Variants in RASAL2 observed in about 807,000 individuals in gnomAD.
The protein encoded by RASAL2 is ras GTPase-activating protein nGAP.
A neutral mutation model predicts 128.9 loss-of-function variants in RASAL2; 58 were observed. That is an observed-to-expected ratio of 0.45 (90% CI 0.36 to 0.56). RASAL2 has a LOEUF of 0.56. Among genes scored for constraint, RASAL2 ranks in the 20% least tolerant of loss-of-function variants. The pLI is 0.00. For missense variants in RASAL2, 1,360 were observed against 1,601.6 expected (o/e 0.85, Z 2.57); for synonymous variants, 561 against 580.8 (o/e 0.97, Z 0.49).
At chr1:178,112,278 A>G (rs1659350560) in intron 1 of RASAL2, among the ~76,000 whole-genome samples, 1 of 152,070 alleles carries the variant, frequency 6.6e-6, no homozygotes, top group African/African-American at 2.4e-5. Flanking sequence ...TCAGCTGGGC[A>G]CGGTGGCTCA....
intron 1 of RASAL2, among the ~76,000 whole-genome samples, chr1:178,209,655 A>G (rs1663184318): frequency 6.6e-6 from 1 of 151,722 alleles, no homozygotes; most frequent in Non-Finnish European, 1.5e-5. Context: ...TTTCTGGATA[A>G]TTCATCTGTT....
chr1:178,196,472 A>G (rs1285008119), intron 1 of RASAL2, among the ~76,000 whole-genome samples: 1 of 152,220 alleles, frequency 6.6e-6, no homozygotes, highest in Non-Finnish European at 1.5e-5. Context: ...TCAACCAACC[A>G]TGGATTGAAA....
chr1:178,169,579 C>T (rs949683446), intron 1 of RASAL2, among the ~76,000 whole-genome samples: 3 of 151,336 alleles, frequency 2.0e-5, no homozygotes, highest in South Asian at 2.1e-4. Flanking sequence ...AAGAGATATG[C>T]GGAAGTCTTA....
At chr1:178,119,738 T>G (rs1439584793) in intron 1 of RASAL2, among the ~76,000 whole-genome samples, 2 of 152,214 alleles carry the variant, frequency 1.3e-5, no homozygotes, top group African/African-American at 4.8e-5. Flanking sequence ...CAAGCACTGT[T>G]GCCTTGTTGT....
In RASAL2 at chr1:178,454,398, A is replaced by G. The variant is rs1462055057; in HGVS notation, c.2010-49A>G. Reference sequence around the variant, plus strand: ...TGTGTAATGTCAAATCAAAATGATCATATCTCTCTTGAATATGTTCTTTCT... The same window carrying G: ...TGTGTAATGTCAAATCAAAATGATCGTATCTCTCTTGAATATGTTCTTTCT... On this transcript the variant is annotated intron_variant, in intron 11 of 17. Transcript: ENST00000367649. 10 of 1,446,538 alleles carry G rather than the reference A, an allele frequency of 6.9e-6. No individual in the cohort carries two copies. In the South Asian group the frequency reaches 1.0e-4, roughly 15 times the overall value. The allele number at this position is 1,446,538 out of a possible 1,614,324, so 89.6% of individuals were successfully genotyped here. A position where few individuals can be genotyped will look rare whatever the true frequency, so the allele number is the denominator to read the frequency against.
At chr1:178,123,510 C>G (rs1183592078) in intron 1 of RASAL2, among the ~76,000 whole-genome samples, 1 of 152,092 alleles carries the variant, frequency 6.6e-6, no homozygotes, top group African/African-American at 2.4e-5. Context: ...TTTACAGTTC[C>G]TGTTGCGCTA....
At chr1:178,158,222 C>T (rs924140876) in intron 1 of RASAL2, among the ~76,000 whole-genome samples, 5 of 152,144 alleles carry the variant, frequency 3.3e-5, no homozygotes, top group African/African-American at 9.7e-5. Flanking sequence ...TTTAAAAGAA[C>T]GGAGGATGTG....
intron 1 of RASAL2, among the ~76,000 whole-genome samples, chr1:178,131,033 T>C (rs565642344): frequency 2.0e-5 from 3 of 147,542 alleles, no homozygotes; most frequent in East Asian, 4.0e-4. Context: ...CCAGCCTGGG[T>C]GAAAGAGCGA....
intron 1 of RASAL2, among the ~76,000 whole-genome samples, chr1:178,228,786 C>T (rs1663884985): frequency 1.3e-5 from 2 of 152,052 alleles, no homozygotes; most frequent in Non-Finnish European, 2.9e-5. Context: ...ATTTAATTTT[C>T]CACTAAGATA....
intron 1 of RASAL2, among the ~76,000 whole-genome samples, chr1:178,144,682 A>C (rs549502520): frequency 6.6e-6 from 1 of 152,218 alleles, no homozygotes; most frequent in South Asian, 2.1e-4. Context: ...AGTGTAAACC[A>C]TTGTTTGTAA....
chr1:178,459,294 A>G (rs1347696694), intron 14 of RASAL2, among the ~76,000 whole-genome samples: 1 of 152,056 alleles, frequency 6.6e-6, no homozygotes, highest in Non-Finnish European at 1.5e-5. Flanking sequence ...GCATCAATAC[A>G]TATTTTTCCC....
At chr1:178,234,325 A>G (rs1196323908) in intron 1 of RASAL2, among the ~76,000 whole-genome samples, 1 of 152,214 alleles carries the variant, frequency 6.6e-6, no homozygotes, top group African/African-American at 2.4e-5. Context: ...TGAGAAATGT[A>G]GAGCAGAATT....
At chr1:178,287,309 A>T (rs2102227446) in intron 2 of RASAL2, among the ~76,000 whole-genome samples, 1 of 151,886 alleles carries the variant, frequency 6.6e-6, no homozygotes, top group Non-Finnish European at 1.5e-5. Context: ...GCAATCACAA[A>T]ACATTTTCCC....
At chr1:178,404,727 G>C (rs1010681607) in intron 4 of RASAL2, among the ~76,000 whole-genome samples, 2 of 145,778 alleles carry the variant, frequency 1.4e-5, no homozygotes, top group African/African-American at 5.1e-5. Flanking sequence ...TGTCGCCCAG[G>C]CTGGAGTACA....
At position 178,194,414 on chromosome 1, in the gene RASAL2, A is replaced by G. The variant is rs1193457469; in HGVS notation, c.203-89150A>G. ...GCATCTCTTAGCATGGATAGCACAC[A>G]GAGTAGTGTCTTCCAACACATCCAC... On this transcript the variant is annotated intron_variant, in intron 1 of 17. Coordinates refer to ENST00000367649, the MANE Select transcript of RASAL2 (RefSeq NM_170692.4). 6 of 220,508 alleles carry G rather than the reference A, an allele frequency of 2.7e-5. No individual in the cohort carries two copies. In the East Asian group the frequency reaches 6.6e-4, roughly 24 times the overall value. 13.7% of individuals were successfully genotyped at this position (220,508 alleles called of 1,614,324 possible).
chr1:178,337,734 T>A (rs546209515), intron 3 of RASAL2, among the ~76,000 whole-genome samples: 1 of 149,414 alleles, frequency 6.7e-6, no homozygotes, highest in Non-Finnish European at 1.5e-5. Flanking sequence ...GATATGCAAG[T>A]AATTTTTTTT....
intron 1 of RASAL2, among the ~76,000 whole-genome samples, chr1:178,228,143 A>C (rs970062125): frequency 6.6e-6 from 1 of 152,138 alleles, no homozygotes; most frequent in Non-Finnish European, 1.5e-5. Flanking sequence ...CTGAGTCTTC[A>C]CCTTTATTTC....
At chr1:178,233,718 C>T (rs1419195693) in intron 1 of RASAL2, among the ~76,000 whole-genome samples, 3 of 152,174 alleles carry the variant, frequency 2.0e-5, no homozygotes, top group African/African-American at 4.8e-5. Context: ...ACCAGAACCC[C>T]GCTGCAGTAT....
chr1:178,129,602 C>T (rs1179460547), intron 1 of RASAL2, among the ~76,000 whole-genome samples: 5 of 151,694 alleles, frequency 3.3e-5, no homozygotes, highest in African/African-American at 1.2e-4. Context: ...CAGTTCAGTT[C>T]GTCAGGTTTT....
Sources: allele counts gnomAD v4.1 joint callset (sites outside exome capture counted in the v4.1 genomes callset), GRCh38; gene constraint gnomAD v4.1.1; transcripts MANE v1.5; gene names NCBI Gene and HGNC (gene_info 2026-07-23, HGNC 2026-07-21).